Variants in DNAH6 observed in about 807,000 individuals in gnomAD.
The protein encoded by DNAH6 is axonemal beta dynein heavy chain 6.
A neutral mutation model predicts 491.4 loss-of-function variants in DNAH6; 340 were observed. The ratio of observed to expected loss-of-function variants is 0.69; its 90% confidence interval spans 0.63 to 0.76. The LOEUF is 0.76. Among genes scored for constraint, DNAH6 ranks in the 30% least tolerant of loss-of-function variants. DNAH6 has a pLI of 0.00. For synonymous variants in DNAH6, 1,603 were observed against 1,686.1 expected (o/e 0.95, Z 1.21); for missense variants, 4,443 against 4,972.2 (o/e 0.89, Z 3.20).
intron 68 of DNAH6, among the ~76,000 whole-genome samples, chr2:84,787,913 G>C (rs1013749517): frequency 1.4e-4 from 22 of 152,122 alleles, no homozygotes; most frequent in African/African-American, 5.1e-4. Flanking sequence ...AAGTAGTAAG[G>C]GAGAGGATAT....
intron 37 of DNAH6, among the ~76,000 whole-genome samples, chr2:84,660,848 A>G (rs1037349904): frequency 6.6e-6 from 1 of 152,134 alleles, no homozygotes; most frequent in African/African-American, 2.4e-5. Flanking sequence ...TTCTTCAAAT[A>G]TATCTATGTC....
chr2:84,760,939 A>G (rs1172759641), intron 63 of DNAH6, among the ~76,000 whole-genome samples: 4 of 152,114 alleles, frequency 2.6e-5, no homozygotes, highest in South Asian at 2.1e-4. Flanking sequence ...AAAAAGAACT[A>G]TCATTTGATC....
chr2:84,557,097 A>T (rs1365125635), intron 10 of DNAH6, among the ~76,000 whole-genome samples: 2 of 152,172 alleles, frequency 1.3e-5, no homozygotes, highest in African/African-American at 2.4e-5. Flanking sequence ...AAGAATATAA[A>T]CTTTGAACCC....
chr2:84,664,284 A>G (rs532235794), intron 37 of DNAH6, among the ~76,000 whole-genome samples: 24 of 152,342 alleles, frequency 1.6e-4, no homozygotes, highest in Admixed American at 1.2e-3. Flanking sequence ...AAATGCTCCA[A>G]TTAAAAGACA....
At chr2:84,514,648 C>G (rs959281951), upstream of DNAH6, among the ~76,000 whole-genome samples, 2 of 151,842 alleles carry the variant, frequency 1.3e-5, no homozygotes, top group Non-Finnish European at 2.9e-5. Flanking sequence ...AAGAAACAAC[C>G]AATGAAATGT....
intron 2 of DNAH6, among the ~76,000 whole-genome samples, chr2:84,523,733 G>T (rs1462108480): frequency 6.6e-6 from 1 of 152,016 alleles, no homozygotes; most frequent in Non-Finnish European, 1.5e-5. Flanking sequence ...TCAGGAGCAG[G>T]TTGTTTATTT....
the DNAH6 span, among the ~76,000 whole-genome samples, chr2:84,511,151 G>A: frequency 3.9e-5 from 6 of 152,192 alleles, no homozygotes; most frequent in Admixed American, 6.5e-5. Flanking sequence ...CCTTTTGTTT[G>A]GCTGTGCCCT....
At chr2:84,472,958 TG>T in the DNAH6 span, among the ~76,000 whole-genome samples, 1 of 152,224 alleles carries the variant, frequency 6.6e-6, no homozygotes, top group Non-Finnish European at 1.5e-5. Flanking sequence ...GTTTACTGGC[TG>T]TTTAAAAGTT....
chr2:84,818,233 C>T (rs555842922), intron 76 of DNAH6, among the ~76,000 whole-genome samples: 16 of 152,082 alleles, frequency 1.1e-4, no homozygotes, highest in Non-Finnish European at 1.6e-4. Context: ...ACATAATGTG[C>T]TTCCTGATAG....
At chr2:84,722,490 C>T (rs1406608296) in intron 59 of DNAH6, 135 bp from the exon 60 acceptor site, 2 of 695,710 alleles carry the variant, frequency 2.9e-6, no homozygotes, top group East Asian at 6.2e-5. Flanking sequence ...AGTCGTTCCA[C>T]CTGGGGACCC....
At chr2:84,676,399 G>A (rs934874714) in intron 40 of DNAH6, among the ~76,000 whole-genome samples, 8 of 152,276 alleles carry the variant, frequency 5.3e-5, no homozygotes, top group South Asian at 4.1e-4. Context: ...ACACAAAAAG[G>A]CTGTGATGTG....
intron 11 of DNAH6, among the ~76,000 whole-genome samples, chr2:84,560,584 T>C (rs1335513923): frequency 6.6e-6 from 1 of 151,858 alleles, no homozygotes; most frequent in African/African-American, 2.4e-5. Context: ...GCATTAGGTA[T>C]ATCTCCTAAT....
chr2:84,705,386 A>G lies in DNAH6; in HGVS notation c.8466-100A>G, dbSNP rs560824625. ...TATAGTACCAAGATTAAAATTATCC[A>G]CTTATTGGGATAATATCATAATGTT... On this transcript the variant is annotated intron_variant, in intron 51 of 76. Transcript: ENST00000389394. 8 of 1,113,152 alleles carry G rather than the reference A, an allele frequency of 7.2e-6. No individual in the cohort carries two copies. In the South Asian group the frequency reaches 1.4e-4, roughly 19 times the overall value. 69.0% of individuals were successfully genotyped at this position (1,113,152 alleles called of 1,614,324 possible). A position where few individuals can be genotyped will look rare whatever the true frequency, so the allele number is the denominator to read the frequency against.
the DNAH6 span, among the ~76,000 whole-genome samples, chr2:84,507,531 C>T: frequency 6.6e-6 from 1 of 152,134 alleles, no homozygotes; most frequent in African/African-American, 2.4e-5. Flanking sequence ...ATTTGACTTC[C>T]TCTTTTCCTA....
At chr2:84,473,165 C>G in the DNAH6 span, among the ~76,000 whole-genome samples, 1 of 151,994 alleles carries the variant, frequency 6.6e-6, no homozygotes, top group African/African-American at 2.4e-5. Context: ...ACTGAAATAT[C>G]TTAGATTTAG....
intron 12 of DNAH6, among the ~76,000 whole-genome samples, chr2:84,574,883 G>A (rs947868737): frequency 2.0e-5 from 3 of 152,154 alleles, no homozygotes; most frequent in East Asian, 1.9e-4. Flanking sequence ...CAGTCCTCAC[G>A]TTGGATAACT....
intron 11 of DNAH6, among the ~76,000 whole-genome samples, chr2:84,573,256 A>T (rs1017944607): frequency 2.6e-5 from 4 of 152,130 alleles, no homozygotes; most frequent in African/African-American, 7.2e-5. Flanking sequence ...TTAAAGATGA[A>T]TTTTTTTTAT....
chr2:84,819,333 C>A lies in DNAH6; in HGVS notation c.12402C>A (p.Val4134=). 1 of 1,551,032 alleles carries A rather than the reference C, an allele frequency of 6.4e-7. No homozygotes were observed. The highest frequency in any genetic ancestry group is 8.7e-7 in the Non-Finnish European group (1 of 1,146,672). ...TGHSTNFVVT[V]LLPSKRSKDY... ...ATTCAACCAATTTTGTGGTAACCGTCCTGTTACCCTCCAAGCGGTCCAAAG... is the reference window on the plus strand; with the variant it reads ...ATTCAACCAATTTTGTGGTAACCGTACTGTTACCCTCCAAGCGGTCCAAAG... Residue 4134 remains valine, a synonymous_variant, in exon 77 of 77, where the codon GTC becomes GTA. Coordinates refer to ENST00000389394, the MANE Select transcript of DNAH6 (RefSeq NM_001370.2).
intron 55 of DNAH6, 87 bp downstream of exon 55, chr2:84,709,633 T>A: frequency 7.2e-7 from 1 of 1,387,366 alleles, no homozygotes; most frequent in Non-Finnish European, 9.9e-7. Context: ...GGCCTCAATG[T>A]ACTTGGAGAT....
Sources: gnomAD v4.1 joint callset for allele counts (sites outside exome capture counted in the v4.1 genomes callset) on GRCh38, gnomAD v4.1.1 for gene constraint, MANE v1.5 for transcripts, NCBI Gene and HGNC (gene_info 2026-07-23, HGNC 2026-07-21) for gene names.